Variants in DESI1 observed in about 807,000 individuals in gnomAD.
DESI1 encodes desumoylating isopeptidase 1, also known as PPPDE peptidase domain containing 2.
DESI1 carries 17 observed loss-of-function variants against 22.4 expected under a neutral mutation model. The ratio of observed to expected loss-of-function variants is 0.76; its 90% CI spans 0.52 to 1.14. DESI1 has a LOEUF of 1.14. Ranked by LOEUF, DESI1 falls within the 50% of genes most tolerant of loss-of-function variation. DESI1 has a pLI of 0.00. For missense variants in DESI1, 177 were observed against 208.9 expected, an observed-to-expected ratio of 0.85 and a Z score of 0.94; for synonymous variants, 92 against 84.2, an observed-to-expected ratio of 1.09 and a Z score of -0.51.
At position 41,599,461 on chromosome 22, in the gene DESI1, A is replaced by G. The variant is rs2067437751; in HGVS notation, c.*1636T>C. Reference sequence around the variant, plus strand: ...CCCAACCTGCCTTTCTAAAGTCAGAATGACAATGGAAATAACGTGTGCCTT... The same window carrying G: ...CCCAACCTGCCTTTCTAAAGTCAGAGTGACAATGGAAATAACGTGTGCCTT... On this transcript the variant is annotated 3_prime_UTR_variant, in exon 6 of 6. Transcript: ENST00000263256. The G allele has an allele frequency of 6.6e-6, 1 of 152,248 alleles. No homozygotes were observed. Among genetic ancestry groups the G allele is most frequent in the African/African-American group, 2.4e-5 (1 of 41,472 alleles). 9.4% of individuals were successfully genotyped at this position (152,248 alleles called of 1,614,324 possible).
chr22:41,607,253 G>A lies in DESI1; in HGVS notation c.180+9C>T, dbSNP rs2067488429. On this transcript the variant is annotated intron_variant, in intron 3 of 5. Coordinates refer to ENST00000263256, the MANE Select transcript of DESI1 (RefSeq NM_015704.3). ...GACTGCAGGACAGAGTGTAGGGGAA[G>A]ACACTCACCGGGGGGCAGCTGGAGA... 2.5e-6 allele frequency: 4 copies of A among 1,606,986 alleles called. No individual in the cohort carries two copies. In the South Asian group the frequency reaches 4.4e-5, roughly 18 times the overall value.
intron 1 of DESI1, among the ~76,000 whole-genome samples, chr22:41,618,352 G>A (rs1452034798): frequency 2.9e-5 from 3 of 103,732 alleles, no homozygotes; most frequent in Non-Finnish European, 5.8e-5. Context: ...AACAGAGCAA[G>A]ACTCGTCTAA....
chr22:41,612,519 A>G (rs946991578), intron 1 of DESI1, among the ~76,000 whole-genome samples: 7 of 151,036 alleles, frequency 4.6e-5, no homozygotes, highest in Admixed American at 4.6e-4. Flanking sequence ...AAAAAGAAAA[A>G]AAAAAAAAAG....
intron 1 of DESI1, among the ~76,000 whole-genome samples, chr22:41,611,281 C>T (rs546072331): frequency 2.0e-5 from 3 of 152,166 alleles, no homozygotes; most frequent in Admixed American, 6.5e-5. Flanking sequence ...TACAGGTGTG[C>T]GCCACCATGC....
rs147006454 is a variant in DESI1, at chr22:41,603,321, C to T, written c.351G>A (p.Gln117=). The T allele has an allele frequency of 1.1e-5, 17 of 1,614,262 alleles. No homozygotes were observed. The African/African-American group carries it at 2.3e-4, about 22-fold the overall frequency. ...NCNTFSNEVA[Q]FLTGRKIPSY... ...AAGGAATCTTCCGCCCAGTCAGGAACTGTGCCACTTCGTTGCTGAAGGTGT... is the reference window on the plus strand; with the variant it reads ...AAGGAATCTTCCGCCCAGTCAGGAATTGTGCCACTTCGTTGCTGAAGGTGT... The change falls in exon 5 of 6, where the codon CAG becomes CAA. Residue 117 remains glutamine, a synonymous_variant. Coordinates refer to ENST00000263256, the MANE Select transcript of DESI1 (RefSeq NM_015704.3).
intron 1 of DESI1, among the ~76,000 whole-genome samples, chr22:41,615,837 C>CCACT (rs1364383832): frequency 6.6e-6 from 1 of 152,188 alleles, no homozygotes; most frequent in Non-Finnish European, 1.5e-5. Flanking sequence ...AGTTCATGCA[C>CCACT]CACTCACTCA....
chr22:41,609,657 G>T (rs1445196115), intron 1 of DESI1, among the ~76,000 whole-genome samples: 1 of 151,728 alleles, frequency 6.6e-6, no homozygotes, highest in African/African-American at 2.4e-5. Context: ...AACTCTCTGG[G>T]TGTGGTGGCA....
chr22:41,606,248 C>CA (rs2067479650), intron 3 of DESI1, among the ~76,000 whole-genome samples: 1 of 151,688 alleles, frequency 6.6e-6, no homozygotes, highest in Admixed American at 6.6e-5. Flanking sequence ...CCTAGCCACT[C>CA]AGGTGGCTCA....
rs2067590183 is a variant in DESI1, at chr22:41,620,907, C to T, written c.-68G>A. ...CGGCAGCGGCTTGGACCTTCCCGTA[C>T]CCGACGGGAGTGCGAAGCGGAGGGA... On this transcript the variant is annotated 5_prime_UTR_variant, in exon 1 of 6. Coordinates refer to ENST00000263256, the MANE Select transcript of DESI1 (RefSeq NM_015704.3). 4 of 1,539,716 alleles carry T rather than the reference C, an allele frequency of 2.6e-6. No homozygotes were observed. Among genetic ancestry groups the T allele is most frequent in the Non-Finnish European group, 8.8e-7 (1 of 1,134,334 alleles).
At chr22:41,610,711 A>G (rs1044256611) in intron 1 of DESI1, among the ~76,000 whole-genome samples, 4 of 151,796 alleles carry the variant, frequency 2.6e-5, no homozygotes, top group Non-Finnish European at 4.4e-5. Flanking sequence ...CGTCTCTACT[A>G]AAAATACAAA....
At chr22:41,611,005 A>G (rs2067513981) in intron 1 of DESI1, among the ~76,000 whole-genome samples, 1 of 152,174 alleles carries the variant, frequency 6.6e-6, no homozygotes, top group Non-Finnish European at 1.5e-5. Flanking sequence ...GGTTGATGAG[A>G]ACCAGACTGG....
At chr22:41,619,500 C>T (rs1462794412) in intron 1 of DESI1, among the ~76,000 whole-genome samples, 1 of 152,202 alleles carries the variant, frequency 6.6e-6, no homozygotes, top group Non-Finnish European at 1.5e-5. Flanking sequence ...AATTATTTGC[C>T]TAAGCAAGCA....
rs2067544486 is a variant in DESI1 at position 41,615,371 on chromosome 22, G to C, written c.88+5381C>G. ...TGAGGCAGGAGAATGGCATGAACCT[G>C]GGAGGCACGCGCCACTGCACTCCAG... On this transcript the variant is annotated intron_variant, in intron 1 of 5. Transcript: ENST00000263256. Among the ~76,000 whole-genome samples the C allele has an allele frequency of 2.0e-5, 3 of 151,294 alleles. No homozygotes were observed. The East Asian group carries it at 5.8e-4, about 29-fold the overall frequency.
Position 41,603,320 on chromosome 22 carries a change from A to G in DESI1, c.352T>C (p.Phe118Leu). Residue 118 changes from phenylalanine (F) to leucine (L), a missense_variant, in exon 5 of 6, where the codon TTC (phenylalanine) becomes CTC (leucine). Phe to Leu is a conservative substitution (Grantham distance 22). Transcript: ENST00000263256. ...GAAGGAATCTTCCGCCCAGTCAGGAACTGTGCCACTTCGTTGCTGAAGGTG... is the reference window on the plus strand; with the variant it reads ...GAAGGAATCTTCCGCCCAGTCAGGAGCTGTGCCACTTCGTTGCTGAAGGTG... ...CNTFSNEVAQ[F>L]LTGRKIPSYI... 1 of 1,614,274 alleles carries G rather than the reference A, an allele frequency of 6.2e-7. No individual in the cohort carries two copies. Among genetic ancestry groups the G allele is most frequent in the East Asian group, 2.2e-5 (1 of 44,888 alleles).
intron 1 of DESI1, among the ~76,000 whole-genome samples, chr22:41,609,032 C>T (rs948300761): frequency 6.6e-6 from 1 of 152,138 alleles, no homozygotes; most frequent in African/African-American, 2.4e-5. Flanking sequence ...ACCTCTGCCC[C>T]CCGGGTTCAA....
At chr22:41,610,188 G>C (rs1388456818) in intron 1 of DESI1, among the ~76,000 whole-genome samples, 1 of 151,400 alleles carries the variant, frequency 6.6e-6, no homozygotes, top group East Asian at 1.9e-4. Flanking sequence ...AGATTAGCCT[G>C]ACCAACATGG....
chr22:41,605,662 T>G (rs1435145594), intron 3 of DESI1, among the ~76,000 whole-genome samples: 2 of 152,224 alleles, frequency 1.3e-5, no homozygotes, highest in Non-Finnish European at 2.9e-5. Flanking sequence ...GTGTCAGGCC[T>G]TATGCTAGGC....
At chr22:41,619,406 C>G (rs2067569629) in intron 1 of DESI1, among the ~76,000 whole-genome samples, 1 of 152,208 alleles carries the variant, frequency 6.6e-6, no homozygotes, top group African/African-American at 2.4e-5. Context: ...AGCAAAGTTT[C>G]TCTTCTACCC....
chr22:41,613,936 C>T (rs915872221), intron 1 of DESI1, among the ~76,000 whole-genome samples: 30 of 152,184 alleles, frequency 2.0e-4, no homozygotes, highest in African/African-American at 6.3e-4. Context: ...GTAAGCTACA[C>T]GCCACACTTC....
Sources: gnomAD v4.1 joint callset for allele counts (sites outside exome capture counted in the v4.1 genomes callset) on GRCh38, gnomAD v4.1.1 for gene constraint, MANE v1.5 for transcripts, NCBI Gene and HGNC (gene_info 2026-07-23, HGNC 2026-07-21) for gene names.